Variants in MEOX2 observed in about 807,000 individuals in gnomAD.
The protein encoded by MEOX2 is mesenchyme homeobox 2, also known as homeobox protein MOX-2.
In MEOX2, 11 loss-of-function variants were observed where a neutral mutation model predicts 27.0. The observed-to-expected ratio is 0.41, with a 90% CI of 0.26 to 0.68. MEOX2 has a LOEUF of 0.68. Ranked by LOEUF, MEOX2 falls within the 30% of genes least tolerant of loss-of-function variation. The pLI is 0.33. For missense variants in MEOX2, 436 were observed against 385.4 expected, an observed-to-expected ratio of 1.13 and a Z score of -1.10; for synonymous variants, 189 against 155.4, an observed-to-expected ratio of 1.22 and a Z score of -1.61.
At chr7:15,678,203 G>A (rs953078767) in intron 1 of MEOX2, among the ~76,000 whole-genome samples, 6 of 152,126 alleles carry the variant, frequency 3.9e-5, no homozygotes, top group African/African-American at 9.7e-5. Context: ...TCCCACGTAA[G>A]CATAGCCTAT....
intron 1 of MEOX2, among the ~76,000 whole-genome samples, chr7:15,676,490 A>C (rs1303089342): frequency 2.6e-5 from 4 of 152,142 alleles, no homozygotes; most frequent in African/African-American, 9.7e-5. Context: ...AGAGACCCAA[A>C]ATTTCATTGT....
At chr7:15,665,046 C>T (rs1327234554) in intron 1 of MEOX2, among the ~76,000 whole-genome samples, 10 of 80,604 alleles carry the variant, frequency 1.2e-4, no homozygotes, top group Non-Finnish European at 1.6e-4. Flanking sequence ...GGACATCACA[C>T]ACACACACAC....
At chr7:15,661,012 CAAA>C (rs71004402) in intron 1 of MEOX2, among the ~76,000 whole-genome samples, 877 of 44,094 alleles carry the variant, frequency 0.02, 2 homozygotes, top group African/African-American at 0.071. Flanking sequence ...GACTCAGTCT[CAAA>C]AAAAAAAAAA....
At chr7:15,663,435 C>G (rs1258569140) in intron 1 of MEOX2, among the ~76,000 whole-genome samples, 1 of 151,688 alleles carries the variant, frequency 6.6e-6, no homozygotes, top group Non-Finnish European at 1.5e-5. Context: ...CGGGTTTAAG[C>G]AAGTCTCCTG....
At chr7:15,630,376 T>C (rs770068629) in intron 1 of MEOX2, among the ~76,000 whole-genome samples, 17 of 152,092 alleles carry the variant, frequency 1.1e-4, no homozygotes, top group South Asian at 2.1e-4. Flanking sequence ...TAATGTTTTA[T>C]TGAAGACAAG....
chr7:15,643,133 G>T (rs1006353328), intron 1 of MEOX2, among the ~76,000 whole-genome samples: 1 of 152,222 alleles, frequency 6.6e-6, no homozygotes, highest in Non-Finnish European at 1.5e-5. Context: ...CATGCCAGAA[G>T]TTGTGATGGG....
intron 1 of MEOX2, among the ~76,000 whole-genome samples, chr7:15,658,525 T>A (rs1168532154): frequency 1.3e-5 from 2 of 152,184 alleles, no homozygotes; most frequent in Non-Finnish European, 2.9e-5. Context: ...CTGGTATTAA[T>A]GAGGCAAAAA....
intron 1 of MEOX2, chr7:15,680,509 T>A (rs1239559984): frequency 6.6e-6 from 1 of 151,936 alleles, no homozygotes; most frequent in Non-Finnish European, 1.5e-5. Context: ...GGATTTTGAA[T>A]CTCACTGATG....
intron 2 of MEOX2, among the ~76,000 whole-genome samples, chr7:15,615,317 G>A (rs973283440): frequency 1.3e-5 from 2 of 151,964 alleles, no homozygotes; most frequent in African/African-American, 4.8e-5. Flanking sequence ...GGATTTAAAC[G>A]TGAGGGCTGG....
intron 1 of MEOX2, among the ~76,000 whole-genome samples, chr7:15,642,131 A>G (rs1730575953): frequency 6.6e-6 from 1 of 151,994 alleles, no homozygotes; most frequent in South Asian, 2.1e-4. Flanking sequence ...TATTCCCTGC[A>G]TTTCTAATTT....
intron 1 of MEOX2, among the ~76,000 whole-genome samples, chr7:15,632,849 A>G (rs142383452): frequency 6.6e-6 from 1 of 152,050 alleles, no homozygotes; most frequent in Admixed American, 6.6e-5. Flanking sequence ...CAGAGAGAAA[A>G]CATAAACTAA....
intron 1 of MEOX2, among the ~76,000 whole-genome samples, chr7:15,635,603 C>T (rs1484721631): frequency 6.6e-6 from 1 of 151,948 alleles, no homozygotes; most frequent in Non-Finnish European, 1.5e-5. Flanking sequence ...TAGGAGAGGA[C>T]TGTGGTCCAA....
chr7:15,681,617 T>C (rs906235257), intron 1 of MEOX2: 4 of 151,794 alleles, frequency 2.6e-5, no homozygotes, highest in Admixed American at 2.0e-4. Flanking sequence ...TTATTATAAA[T>C]ATTACAACTT....
In MEOX2 at chr7:15,685,944, T is replaced by G. The variant is rs143756690; in HGVS notation, c.459A>C (p.Ala153=). 4.4e-4 allele frequency: 705 copies of G among 1,611,564 alleles called. 3 individuals are homozygous for G. The highest frequency in any genetic ancestry group is 1.8e-3 in the South Asian group (160 of 90,994). The part of the protein sequence containing the change: ...ACAPGDYGRQ[A]LSPAEAEKRS... ...GCTTCTCCGCCTCCGCAGGTGACAG[T>G]GCCTGGCGGCCGTAGTCCCCCGGCG... The change falls in exon 1 of 3, where the codon GCA becomes GCC. Residue 153 remains alanine (A), a synonymous_variant. Coordinates refer to ENST00000262041, the MANE Select transcript of MEOX2 (RefSeq NM_005924.5).
intron 1 of MEOX2, among the ~76,000 whole-genome samples, chr7:15,669,003 A>C (rs1276145369): frequency 1.3e-5 from 2 of 152,248 alleles, no homozygotes; most frequent in African/African-American, 4.8e-5. Context: ...GTCCACGGAA[A>C]AAACAATAGC....
intron 1 of MEOX2, among the ~76,000 whole-genome samples, chr7:15,660,084 G>C (rs1382636251): frequency 6.6e-6 from 1 of 152,134 alleles, no homozygotes; most frequent in Non-Finnish European, 1.5e-5. Flanking sequence ...ATGAGCTAAG[G>C]ATGGCTTCTA....
intron 1 of MEOX2, among the ~76,000 whole-genome samples, chr7:15,684,487 C>T (rs1370178743): frequency 2.0e-5 from 3 of 152,264 alleles, no homozygotes; most frequent in Non-Finnish European, 2.9e-5. Flanking sequence ...ATTAAAAGTT[C>T]ACCCCCTGAC....
chr7:15,685,880 C>A lies in MEOX2; in HGVS notation c.517+6G>T, dbSNP rs774221299. 70 of 1,586,706 alleles carry A rather than the reference C, an allele frequency of 4.4e-5. No individual in the cohort carries two copies. The highest frequency in any genetic ancestry group is 2.1e-4 in the Middle Eastern group (1 of 4,802). On this transcript the variant is annotated splice_donor_region_variant and intron_variant, in intron 1 of 2. Coordinates refer to ENST00000262041, the MANE Select transcript of MEOX2 (RefSeq NM_005924.5). ...GCACTCTCGAGGGTGCCTGGCGCGC[C>A]CTTACCTGAGCTGTCGCTTTTCCTC...
chr7:15,616,123 C>G (rs1023050943), intron 2 of MEOX2, among the ~76,000 whole-genome samples: 2 of 151,650 alleles, frequency 1.3e-5, no homozygotes, highest in Admixed American at 6.6e-5. Flanking sequence ...CATGTATATA[C>G]ATATGAATAG....
Sources: allele counts gnomAD v4.1 joint callset (sites outside exome capture counted in the v4.1 genomes callset), GRCh38; gene constraint gnomAD v4.1.1; transcripts MANE v1.5; gene names NCBI Gene and HGNC (gene_info 2026-07-23, HGNC 2026-07-21).